The following CSMD1 variants were observed in gnomAD, a reference collection of about 807,000 sequenced individuals.
CSMD1 encodes CUB and sushi domain-containing protein 1.
Under a neutral mutation model 417.5 loss-of-function variants are expected in CSMD1, and 213 were observed. The observed-to-expected ratio is 0.51, with a 90% CI of 0.46 to 0.57. The LOEUF is 0.57. CSMD1 is among the 20% of genes least tolerant of loss of function. The probability of loss-of-function intolerance (pLI) is 0.00; values close to 1 mark genes in which losing one functional copy is unlikely to be tolerated. For missense variants in CSMD1, 6,923 were observed against 4,529.7 expected (o/e 1.53, Z -15.17); for synonymous variants, 2,862 against 1,736.8 (o/e 1.65, Z -16.11).
rs182426938 is a variant in CSMD1 at position 2,950,894 on chromosome 8, A to G, written c.10201+220T>C. On this transcript the variant is annotated intron_variant, in intron 66 of 69. Transcript: ENST00000635120. ...TTGACTTAATATGTGCATAATTTTGAGCAAATCAGTTCACTTTTCTGTACT... is the reference window on the plus strand; with the variant it reads ...TTGACTTAATATGTGCATAATTTTGGGCAAATCAGTTCACTTTTCTGTACT... Among the ~76,000 whole-genome samples the G allele has an allele frequency of 2.1e-4, 32 of 152,316 alleles. No individual in the cohort carries two copies. The East Asian group carries it at 4.8e-3, about 23-fold the overall frequency.
chr8:3,420,614 T>A (rs1022269559), intron 12 of CSMD1, among the ~76,000 whole-genome samples: 3 of 152,148 alleles, frequency 2.0e-5, no homozygotes, highest in Non-Finnish European at 4.4e-5. Flanking sequence ...AAATCAAAAA[T>A]GTTAATTTGA....
At chr8:4,395,757 T>TAA (rs149515783) in intron 3 of CSMD1, among the ~76,000 whole-genome samples, 600 of 151,062 alleles carry the variant, frequency 4.0e-3, no homozygotes, top group African/African-American at 0.011. Context: ...TAAGCATTTG[T>TAA]AAAAAAAAAT....
chr8:4,419,173 A>C (rs190895877), intron 3 of CSMD1, among the ~76,000 whole-genome samples: 1 of 152,302 alleles, frequency 6.6e-6, no homozygotes, highest in Admixed American at 6.5e-5. Context: ...TTACACCCCT[A>C]ACGATAGATT....
At chr8:3,649,751 C>T (rs548761770) in intron 7 of CSMD1, among the ~76,000 whole-genome samples, 1 of 152,092 alleles carries the variant, frequency 6.6e-6, no homozygotes, top group Non-Finnish European at 1.5e-5. Context: ...AAAGCCTAAC[C>T]ATAACATCAT....
chr8:3,315,351 T>C (rs1563263616), intron 23 of CSMD1, among the ~76,000 whole-genome samples: 1 of 151,592 alleles, frequency 6.6e-6, no homozygotes, highest in Non-Finnish European at 1.5e-5. Context: ...TTTCCTGAAA[T>C]GTGTGATTAT....
chr8:4,895,803 G>A (rs1477228184), intron 1 of CSMD1, among the ~76,000 whole-genome samples: 1 of 151,808 alleles, frequency 6.6e-6, no homozygotes, highest in Admixed American at 6.6e-5. Context: ...AAGCTGTACA[G>A]CTGCTCCTAA....
intron 37 of CSMD1, among the ~76,000 whole-genome samples, chr8:3,170,365 A>G (rs375063784): frequency 0.028 from 4,202 of 151,776 alleles, 256 homozygotes; most frequent in East Asian, 0.19. Flanking sequence ...CTACCACCAT[A>G]CCTGGCTAAT....
chr8:3,993,764 C>A (rs1270618090), intron 5 of CSMD1, among the ~76,000 whole-genome samples: 4 of 152,178 alleles, frequency 2.6e-5, no homozygotes, highest in Non-Finnish European at 5.9e-5. Flanking sequence ...TTTATTATGG[C>A]TGATGTTTTC....
chr8:3,874,668 G>C (rs1805696407), intron 5 of CSMD1, among the ~76,000 whole-genome samples: 1 of 152,124 alleles, frequency 6.6e-6, no homozygotes, highest in East Asian at 1.9e-4. Context: ...GTTTTTCTCT[G>C]TGGATGATGA....
chr8:3,155,698 G>C (rs1819485443), intron 39 of CSMD1, among the ~76,000 whole-genome samples: 2 of 152,072 alleles, frequency 1.3e-5, no homozygotes, highest in South Asian at 4.1e-4. Flanking sequence ...TGTAAAAGTA[G>C]CTCAATGTTT....
intron 1 of CSMD1, among the ~76,000 whole-genome samples, chr8:4,646,661 G>C (rs1371548781): frequency 6.6e-6 from 1 of 152,086 alleles, no homozygotes; most frequent in Non-Finnish European, 1.5e-5. Context: ...CGTCAACAAG[G>C]CATATTTTAA....
chr8:4,367,173 G>T (rs1032966778), intron 3 of CSMD1, among the ~76,000 whole-genome samples: 1 of 152,084 alleles, frequency 6.6e-6, no homozygotes, highest in Admixed American at 6.6e-5. Flanking sequence ...TTTTAATTGT[G>T]TTAGAGCTTG....
intron 41 of CSMD1, among the ~76,000 whole-genome samples, chr8:3,130,427 A>G (rs1411533452): frequency 2.0e-5 from 3 of 150,096 alleles, no homozygotes; most frequent in Non-Finnish European, 1.5e-5. Context: ...CCCCTGCTCT[A>G]CTCTTCCCTC....
At chr8:3,563,676 G>C (rs1259323429) in intron 10 of CSMD1, among the ~76,000 whole-genome samples, 1 of 152,028 alleles carries the variant, frequency 6.6e-6, no homozygotes, top group East Asian at 1.9e-4. Flanking sequence ...GGATCATGAG[G>C]TCAGGAGTTC....
chr8:2,957,721 C>G lies in CSMD1; in HGVS notation c.9789G>C (p.Trp3263Cys). The change falls in exon 63 of 70, where the codon TGG becomes TGC. Residue 3263 changes from tryptophan to cysteine, a missense_variant. Physicochemically the swap from Trp to Cys is radical, Grantham distance 215. Coordinates refer to ENST00000635120, the MANE Select transcript of CSMD1 (RefSeq NM_033225.6). ...TTRTCLANLT[W>C]SGIQTECIPH... ...GTATACATTCGGTCTGTATCCCACT[C>G]CATGTTAAATTGGCAAGGCAGGTGC... 6.3e-7 allele frequency: 1 copy of G among 1,595,500 alleles called. No individual in the cohort carries two copies. The highest frequency in any genetic ancestry group is 8.5e-7 in the Non-Finnish European group (1 of 1,169,856).
intron 3 of CSMD1, among the ~76,000 whole-genome samples, chr8:4,257,251 T>C (rs1431497169): frequency 1.3e-5 from 2 of 152,198 alleles, no homozygotes; most frequent in African/African-American, 4.8e-5. Flanking sequence ...TGTATTTTAA[T>C]TTTATTATAC....
At chr8:3,486,658 T>TGCA (rs1194534595) in intron 11 of CSMD1, among the ~76,000 whole-genome samples, 2 of 152,230 alleles carry the variant, frequency 1.3e-5, no homozygotes, top group Non-Finnish European at 2.9e-5. Context: ...CCACCTTATT[T>TGCA]GCAGCAGCAG....
At chr8:4,073,190 G>A (rs1009849347) in intron 3 of CSMD1, among the ~76,000 whole-genome samples, 3 of 152,050 alleles carry the variant, frequency 2.0e-5, no homozygotes, top group Non-Finnish European at 4.4e-5. Flanking sequence ...GCACTTCAAA[G>A]AACGCTCACA....
chr8:4,588,062 C>G (rs1379016319), intron 2 of CSMD1, among the ~76,000 whole-genome samples: 2 of 152,086 alleles, frequency 1.3e-5, no homozygotes, highest in Non-Finnish European at 2.9e-5. Context: ...CAAGGTAAAG[C>G]AAAATCTAAT....
Sources: allele counts gnomAD v4.1 joint callset (sites outside exome capture counted in the v4.1 genomes callset), GRCh38; gene constraint gnomAD v4.1.1; transcripts MANE v1.5; gene names NCBI Gene and HGNC (gene_info 2026-07-23, HGNC 2026-07-21).